The following BMX variants were observed in gnomAD, a reference collection of about 807,000 sequenced individuals.
BMX encodes BMX non-receptor tyrosine kinase, also known as cytoplasmic tyrosine-protein kinase BMX.
A neutral mutation model predicts 59.2 loss-of-function variants in BMX; 31 were observed. The observed-to-expected ratio is 0.52, with a 90% CI of 0.39 to 0.71. The LOEUF is 0.71. Among genes scored for constraint, BMX ranks in the 30% least tolerant of loss-of-function variants. BMX has a pLI of 0.00. For missense variants in BMX, 474 were observed against 491.7 expected, an observed-to-expected ratio of 0.96 and a Z score of 0.34; for synonymous variants, 185 against 181.0, an observed-to-expected ratio of 1.02 and a Z score of -0.18.
chrX:15,527,040 G>A (rs1335284548), intron 9 of BMX, among the ~76,000 whole-genome samples: 19 of 107,062 alleles, frequency 1.8e-4, no homozygotes, highest in Non-Finnish European at 5.8e-5. Context: ...AATGCTTGAA[G>A]GGATGGATAC....
At chrX:15,534,439 C>A in intron 12 of BMX, 100 bp downstream of exon 12, 1 of 767,106 alleles carries the variant, frequency 1.3e-6, no homozygotes, top group South Asian at 6.1e-5. Context: ...TATAGGGAAC[C>A]ATGAAAGTAG....
intron 6 of BMX, among the ~76,000 whole-genome samples, chrX:15,521,087 C>A (rs1367012539): frequency 9.0e-6 from 1 of 111,714 alleles, no homozygotes; most frequent in Non-Finnish European, 1.9e-5. Flanking sequence ...CATAGAAAAG[C>A]ACACAAATCC....
At chrX:15,539,976 GT>G (rs1419541192) in intron 14 of BMX, among the ~76,000 whole-genome samples, 1 of 112,438 alleles carries the variant, frequency 8.9e-6, no homozygotes, top group East Asian at 2.8e-4. Flanking sequence ...CTTTTACACT[GT>G]TGGTGGGAGT....
At chrX:15,509,556 T>A (rs777194326) in intron 3 of BMX, 123 bp downstream of exon 3, 14 of 503,057 alleles carry the variant, frequency 2.8e-5, no homozygotes, top group Non-Finnish European at 4.0e-5. Flanking sequence ...CTTGGAATAT[T>A]CCCACATGGG....
intron 17 of BMX, among the ~76,000 whole-genome samples, chrX:15,548,456 TA>T (rs756272595): frequency 0.023 from 2,414 of 105,242 alleles, 24 homozygotes; most frequent in African/African-American, 0.048. Flanking sequence ...GAGGCTGTCT[TA>T]AAAAAAAAAA....
intron 16 of BMX, among the ~76,000 whole-genome samples, chrX:15,544,864 G>A (rs773587925): frequency 4.9e-4 from 54 of 111,177 alleles, no homozygotes; most frequent in Non-Finnish European, 8.1e-4. Flanking sequence ...TAATATTATT[G>A]TTAATATTTA....
chrX:15,530,093 T>C, intron 10 of BMX, 66 bp downstream of exon 10: 3 of 1,023,844 alleles, frequency 2.9e-6, no homozygotes, highest in Non-Finnish European at 4.1e-6. Context: ...CAGAGGTTGA[T>C]GCATTTCTCA....
At chrX:15,536,517 AGG>A in intron 13 of BMX, 90 bp downstream of exon 13, 4 of 695,558 alleles carry the variant, frequency 5.8e-6, no homozygotes, top group Non-Finnish European at 8.3e-6. Flanking sequence ...AAAAAAAAAA[AGG>A]AGGAAAGACA....
chrX:15,544,269 G>A (rs920322590), intron 16 of BMX, among the ~76,000 whole-genome samples: 11 of 110,498 alleles, frequency 1.0e-4, no homozygotes, highest in Non-Finnish European at 1.9e-4. Context: ...GGCACATACC[G>A]TGGAAGCTAT....
At chrX:15,515,817 C>G (rs1375830989) in intron 4 of BMX, among the ~76,000 whole-genome samples, 1 of 111,807 alleles carries the variant, frequency 8.9e-6, no homozygotes, top group East Asian at 2.8e-4. Flanking sequence ...ACAGATATAT[C>G]TCTAAAATCC....
intron 11 of BMX, among the ~76,000 whole-genome samples, chrX:15,532,101 A>T (rs963267883): frequency 1.8e-5 from 2 of 111,678 alleles, no homozygotes; most frequent in African/African-American, 6.5e-5. Context: ...TTAATATATT[A>T]TATCCAGAAC....
intron 1 of BMX, chrX:15,507,352 G>T: frequency 1.3e-6 from 1 of 755,195 alleles, no homozygotes; most frequent in Middle Eastern, 7.6e-4. Flanking sequence ...TTTTTGCTTA[G>T]AGCTTGAGAG....
rs764157271 is a variant in BMX, at chrX:15,520,358, A to T, written c.511-1988A>T. 3.6e-5 allele frequency among the ~76,000 whole-genome samples: 4 copies of T among 112,198 alleles called. No individual in the cohort carries two copies. The Admixed American group carries it at 3.8e-4, about 11-fold the overall frequency. On this transcript the variant is annotated intron_variant, in intron 6 of 18. Transcript: ENST00000348343. ...AAATCTATAGAAACAAAGGGTGATC[A>T]GTGGTTGCCTGGGACCAGAGTAGGG...
At chrX:15,513,240 C>A (rs1343649784) in intron 4 of BMX, among the ~76,000 whole-genome samples, 2 of 112,283 alleles carry the variant, frequency 1.8e-5, no homozygotes, top group African/African-American at 6.5e-5. Flanking sequence ...GATGCAGGCT[C>A]CTCCTAGCTT....
intron 7 of BMX, among the ~76,000 whole-genome samples, chrX:15,523,253 T>A (rs755471648): frequency 8.9e-6 from 1 of 112,151 alleles, no homozygotes; most frequent in East Asian, 2.8e-4. Flanking sequence ...CTTCCTATCA[T>A]GTTGTCTACT....
At chrX:15,548,584 C>T (rs544807006) in intron 17 of BMX, among the ~76,000 whole-genome samples, 12 of 111,845 alleles carry the variant, frequency 1.1e-4, no homozygotes, top group African/African-American at 3.3e-4. Flanking sequence ...GATTATTTAC[C>T]GTATGCCATA....
At chrX:15,536,870 T>A (rs79878075) in intron 13 of BMX, among the ~76,000 whole-genome samples, 2,404 of 111,496 alleles carry the variant, frequency 0.022, 25 homozygotes, top group Middle Eastern at 0.055. Flanking sequence ...CCAAGATGCC[T>A]CTGATTGGCA....
intron 5 of BMX, 108 bp downstream of exon 5, chrX:15,516,339 T>C: frequency 9.7e-7 from 1 of 1,027,102 alleles, no homozygotes; most frequent in Non-Finnish European, 1.3e-6. Flanking sequence ...TGTGCCAGAT[T>C]GGTTGGCATC....
intron 6 of BMX, 44 bp downstream of exon 6, chrX:15,518,037 T>C: frequency 9.4e-7 from 1 of 1,064,078 alleles, no homozygotes; most frequent in South Asian, 2.0e-5. Flanking sequence ...CAGGATATAT[T>C]AAATAAACCA....
Sources: gnomAD v4.1 joint callset for allele counts (sites outside exome capture counted in the v4.1 genomes callset) on GRCh38, gnomAD v4.1.1 for gene constraint, MANE v1.5 for transcripts, NCBI Gene and HGNC (gene_info 2026-07-23, HGNC 2026-07-21) for gene names.